NAE1: variants seen among roughly 807,000 people sequenced by gnomAD.
The protein encoded by NAE1 is NEDD8 activating enzyme E1 subunit 1, also known as NEDD8-activating enzyme E1 regulatory subunit.
In NAE1, 59 loss-of-function variants were observed where a neutral mutation model predicts 88.0. The ratio of observed to expected loss-of-function variants is 0.67; its 90% confidence interval spans 0.54 to 0.83. The LOEUF is 0.83. Among genes scored for constraint, NAE1 ranks in the 40% least tolerant of loss-of-function variants. NAE1 has a pLI of 0.00. For synonymous variants in NAE1, 186 were observed against 208.9 expected (o/e 0.89, Z 0.95); for missense variants, 554 against 632.8 (o/e 0.88, Z 1.34).
At chr16:66,805,281 T>A (rs983076138) in intron 19 of NAE1, among the ~76,000 whole-genome samples, 6 of 152,044 alleles carry the variant, frequency 3.9e-5, no homozygotes, top group Non-Finnish European at 7.4e-5. Flanking sequence ...GGAGGACTGT[T>A]GTAGAGTGTT....
intron 13 of NAE1, among the ~76,000 whole-genome samples, chr16:66,812,382 CAG>C (rs1248256867): frequency 2.0e-5 from 3 of 151,944 alleles, no homozygotes; most frequent in East Asian, 1.9e-4. Flanking sequence ...GTTCATAGCA[CAG>C]AGTTAAGGGA....
In NAE1 at chr16:66,818,647, A is replaced by G. The variant is rs750873067; in HGVS notation, c.512-10T>C. The G allele has an allele frequency of 2.5e-6, 4 of 1,590,616 alleles. No individual in the cohort carries two copies. The highest frequency in any genetic ancestry group is 1.4e-5 in the African/African-American group (1 of 73,166). ...GGATGAGATTCTATTACTGTGAAAC[A>G]AAGAATTCAAAAGGATAAATTTAAC... On this transcript the variant is annotated splice_polypyrimidine_tract_variant and intron_variant, in intron 7 of 19. Coordinates refer to ENST00000290810, the MANE Select transcript of NAE1 (RefSeq NM_003905.4).
intron 1 of NAE1, chr16:66,827,877 G>A: frequency 2.1e-6 from 2 of 954,414 alleles, no homozygotes. Flanking sequence ...TTTGATACAG[G>A]GTCTTACTAT....
chr16:66,817,308 C>T (rs1280533534), intron 9 of NAE1, 117 bp downstream of exon 9: 2 of 905,436 alleles, frequency 2.2e-6, no homozygotes, highest in South Asian at 1.5e-5. Flanking sequence ...ATCCATTTGC[C>T]CTACCATACA....
chr16:66,817,592 G>T, intron 8 of NAE1, 105 bp from the exon 9 acceptor site: 1 of 778,452 alleles, frequency 1.3e-6, no homozygotes, highest in Non-Finnish European at 2.0e-6. Flanking sequence ...CCTAATATAT[G>T]CAGAGTAGTG....
intron 19 of NAE1, 25 bp downstream of exon 19, chr16:66,805,752 G>A: frequency 6.9e-7 from 1 of 1,441,164 alleles, no homozygotes; most frequent in Non-Finnish European, 9.1e-7. Flanking sequence ...AACAACAGGT[G>A]AGTCTTCTCA....
intron 1 of NAE1, chr16:66,827,942 T>G (rs541812165): frequency 1.3e-6 from 2 of 1,556,156 alleles, no homozygotes; most frequent in Admixed American, 3.3e-5. Context: ...CGCCTCAGCC[T>G]CTAGAGTTGC....
intron 11 of NAE1, among the ~76,000 whole-genome samples, 169 bp downstream of exon 11, chr16:66,816,412 G>A (rs374399521): frequency 1.3e-5 from 2 of 152,116 alleles, no homozygotes; most frequent in Non-Finnish European, 2.9e-5. Context: ...TGATCCACCC[G>A]CCTCAGCCTC....
In NAE1 at chr16:66,830,661, G is replaced by C. The variant is rs548461804; in HGVS notation, c.53+186C>G. ...CCGCGTGGCGGGGGAAGGGGTCCCA[G>C]CCCTCGCGGAGCACCTTTGGCCCAG... On this transcript the variant is annotated intron_variant, in intron 1 of 19. Coordinates refer to ENST00000290810, the MANE Select transcript of NAE1 (RefSeq NM_003905.4). Among the ~76,000 whole-genome samples, 815 of 152,322 alleles carry C rather than the reference G, an allele frequency of 5.4e-3. 5 individuals carry two copies. The highest frequency in any genetic ancestry group is 9.2e-3 in the Non-Finnish European group (629 of 68,002).
chr16:66,806,203 C>T (rs1185062259), intron 17 of NAE1, 177 bp from the exon 18 acceptor site: 10 of 635,602 alleles, frequency 1.6e-5, no homozygotes, highest in Non-Finnish European at 2.1e-5. Flanking sequence ...CAGAGACCAA[C>T]TAAAACCTAG....
chr16:66,827,448 A>G (rs1380071762), intron 1 of NAE1: 2 of 153,018 alleles, frequency 1.3e-5, no homozygotes, highest in African/African-American at 2.4e-5. Context: ...AGGCGCCTGT[A>G]GTCCCACCTA....
At chr16:66,815,900 T>C (rs1294305830) in intron 11 of NAE1, among the ~76,000 whole-genome samples, 1 of 151,096 alleles carries the variant, frequency 6.6e-6, no homozygotes, top group African/African-American at 2.4e-5. Flanking sequence ...TGACTTCATG[T>C]GATCTGCCCT....
intron 7 of NAE1, among the ~76,000 whole-genome samples, chr16:66,820,127 C>A (rs1357305444): frequency 6.6e-6 from 1 of 152,250 alleles, no homozygotes; most frequent in East Asian, 1.9e-4. Flanking sequence ...TCCTGACAAG[C>A]ACTCCCTAAC....
chr16:66,820,196 T>C (rs1310930125), intron 7 of NAE1, among the ~76,000 whole-genome samples: 3 of 152,196 alleles, frequency 2.0e-5, no homozygotes, highest in Non-Finnish European at 4.4e-5. Context: ...ATCACCACAT[T>C]AGCAGAGTGC....
rs769199553 is a variant in NAE1, at chr16:66,805,805, C to T, written c.1467G>A (p.Glu489=). ...CCAAGAATGCAGCAATGGTATGTGGCTCAGCAGCTCCATATCGGCAACTAA... is the reference window on the plus strand; with the variant it reads ...CCAAGAATGCAGCAATGGTATGTGGTTCAGCAGCTCCATATCGGCAACTAA... ...VHEFCRYGAA[E]PHTIAAFLGG... Residue 489 remains glutamate (E), a synonymous_variant, in exon 19 of 20, where the codon GAG becomes GAA. Transcript: ENST00000290810. 1 of 1,528,036 alleles carries T rather than the reference C, an allele frequency of 6.5e-7. No individual in the cohort carries two copies. The highest frequency in any genetic ancestry group is 2.3e-5 in the East Asian group (1 of 43,106). 94.7% of individuals were successfully genotyped at this position (1,528,036 alleles called of 1,614,324 possible).
intron 5 of NAE1, 62 bp downstream of exon 5, chr16:66,823,467 G>A: frequency 6.8e-7 from 1 of 1,469,642 alleles, no homozygotes; most frequent in Non-Finnish European, 9.3e-7. Context: ...AATTTCTGGG[G>A]CTTTGAATTA....
chr16:66,830,937 CG>C lies in NAE1; in HGVS notation c.-39del. On this transcript the variant is annotated 5_prime_UTR_variant, in exon 1 of 20. Coordinates refer to ENST00000290810, the MANE Select transcript of NAE1 (RefSeq NM_003905.4). Reference sequence around the variant, plus strand: ...CGCGCGGAAAACAGCCGAGCCCCTGCGGAGCGCCGCCACCAGCTCCACAAGC... The same window carrying C: ...CGCGCGGAAAACAGCCGAGCCCCTGCGAGCGCCGCCACCAGCTCCACAAGC... 5 of 1,494,926 alleles carry C rather than the reference CG, an allele frequency of 3.3e-6. No individual in the cohort carries two copies. Among genetic ancestry groups the C allele is most frequent in the Non-Finnish European group, 4.4e-6 (5 of 1,129,462 alleles). The allele number at this position is 1,494,926 out of a possible 1,614,324, so 92.6% of individuals were successfully genotyped here.
At chr16:66,818,703 C>T in intron 7 of NAE1, 66 bp from the exon 8 acceptor site, 1 of 1,503,912 alleles carries the variant, frequency 6.6e-7, no homozygotes, top group Non-Finnish European at 8.8e-7. Flanking sequence ...GAGATGGGGT[C>T]TTGCTGTATT....
In NAE1 at chr16:66,823,314, G is replaced by T; in HGVS notation, c.322-8C>A. ...TAGAAGGTTTTCTGGACTCTAAACA[G>T]GACAGCAAAGAAAAAAACAAACAAA... On this transcript the variant is annotated splice_polypyrimidine_tract_variant and splice_region_variant and intron_variant, in intron 5 of 19. Transcript: ENST00000290810. 1 of 1,574,962 alleles carries T rather than the reference G, an allele frequency of 6.3e-7. No homozygotes were observed. The highest frequency in any genetic ancestry group is 8.6e-7 in the Non-Finnish European group (1 of 1,164,174).
Sources: allele counts gnomAD v4.1 joint callset (sites outside exome capture counted in the v4.1 genomes callset), GRCh38; gene constraint gnomAD v4.1.1; transcripts MANE v1.5; gene names NCBI Gene and HGNC (gene_info 2026-07-23, HGNC 2026-07-21).